The following POLE variants were observed in gnomAD, a reference collection of about 807,000 sequenced individuals.
The protein encoded by POLE is DNA polymerase epsilon, catalytic subunit.
POLE carries 188 observed loss-of-function variants against 279.2 expected under a neutral mutation model. The ratio of observed to expected loss-of-function variants is 0.67; its 90% CI spans 0.60 to 0.76. The LOEUF (loss-of-function observed/expected upper bound fraction) is 0.76, where lower values mean the gene tolerates loss of function less well. Among genes scored for constraint, POLE ranks in the 30% least tolerant of loss-of-function variants. The pLI, the probability that POLE is intolerant of heterozygous loss-of-function variation, is 0.00. For synonymous variants in POLE, 1,214 were observed against 1,172.5 expected, an observed-to-expected ratio of 1.04 and a Z score of -0.72; for missense variants, 2,703 against 3,016.7, an observed-to-expected ratio of 0.90 and a Z score of 2.44.
intron 40 of POLE, 107 bp from the exon 41 acceptor site, chr12:132,638,246 A>C: frequency 1.0e-6 from 1 of 1,003,512 alleles, no homozygotes; most frequent in Non-Finnish European, 1.4e-6. Flanking sequence ...TGAAGCAGAA[A>C]AGCCTCCGAG....
intron 25 of POLE, chr12:132,659,804 G>A (rs1331587061): frequency 6.1e-6 from 2 of 326,294 alleles, no homozygotes; most frequent in Non-Finnish European, 1.1e-5. Context: ...AGATTCTCGT[G>A]CCTCAGCCTC....
chr12:132,656,767 C>T (rs1292563894), intron 29 of POLE, among the ~76,000 whole-genome samples: 1 of 152,180 alleles, frequency 6.6e-6, no homozygotes, highest in Non-Finnish European at 1.5e-5. Context: ...TTTCACTGTA[C>T]CTTTTATTAC....
At chr12:132,660,815 G>A (rs1392497635) in intron 25 of POLE, 154 bp downstream of exon 25, 8 of 518,088 alleles carry the variant, frequency 1.5e-5, no homozygotes, top group Non-Finnish European at 2.3e-5. Context: ...AACTCCAAGG[G>A]GGTAATTGTG....
At chr12:132,665,618 A>AT (rs2042781360) in intron 20 of POLE, among the ~76,000 whole-genome samples, 168 bp from the exon 21 acceptor site, 1 of 152,156 alleles carries the variant, frequency 6.6e-6, no homozygotes, top group Non-Finnish European at 1.5e-5. Flanking sequence ...CCAACTGTCA[A>AT]TATTTTGTCA....
intron 42 of POLE, among the ~76,000 whole-genome samples, chr12:132,635,401 C>T (rs1326417741): frequency 6.6e-6 from 1 of 152,226 alleles, no homozygotes; most frequent in Non-Finnish European, 1.5e-5. Flanking sequence ...CTGTGCCCTC[C>T]AATGGTGGGT....
chr12:132,651,411 C>T (rs553778311), intron 29 of POLE: 2 of 152,242 alleles, frequency 1.3e-5, no homozygotes. Context: ...CAACCACCTC[C>T]ACCTCTAGCA....
At chr12:132,649,561 G>C (rs534851055) in intron 30 of POLE, 46 bp from the exon 31 acceptor site, 2 of 1,599,520 alleles carry the variant, frequency 1.3e-6, no homozygotes, top group African/African-American at 2.7e-5. Flanking sequence ...GGTGAGATGG[G>C]AATGCCCGCC....
At position 132,643,494 on chromosome 12, in the gene POLE, T is replaced by G. The variant is rs1057524305; in HGVS notation, c.4357A>C (p.Arg1453=). 8.1e-6 allele frequency: 13 copies of G among 1,614,046 alleles called. No homozygotes were observed. The highest frequency in any genetic ancestry group is 1.1e-5 in the Non-Finnish European group (13 of 1,180,036). Reference sequence around the variant, plus strand: ...TCTGCTTCCCAGCCTGAAAGGTGCCTCACCAGCTGTTTATTGACCACACAC... The same window carrying G: ...TCTGCTTCCCAGCCTGAAAGGTGCCGCACCAGCTGTTTATTGACCACACAC... ...CVCVVNKQLV[R]HLSGWEAETF... The change falls in exon 34 of 49, where the codon AGG becomes CGG. Residue 1453 remains arginine, a synonymous_variant. Transcript: ENST00000320574.
chr12:132,667,411 G>A (rs2135968299), intron 20 of POLE, 92 bp downstream of exon 20: 1 of 1,350,950 alleles, frequency 7.4e-7, no homozygotes, highest in Non-Finnish European at 1.0e-6. Context: ...CCTGCTCAGA[G>A]GATCCCAGGC....
chr12:132,678,544 T>C (rs190410412), intron 6 of POLE, among the ~76,000 whole-genome samples: 1 of 152,056 alleles, frequency 6.6e-6, no homozygotes, highest in African/African-American at 2.4e-5. Flanking sequence ...ACCACTGCAC[T>C]CCAGCCTGGG....
chr12:132,633,306 G>C (rs1381385578), intron 43 of POLE: 2 of 155,964 alleles, frequency 1.3e-5, no homozygotes, highest in East Asian at 3.8e-4. Flanking sequence ...TGGTATTAAA[G>C]GTGTGCGCAC....
At chr12:132,678,726 TG>T (rs2043108595) in intron 6 of POLE, among the ~76,000 whole-genome samples, 3 of 152,240 alleles carry the variant, frequency 2.0e-5, no homozygotes, top group Admixed American at 2.0e-4. Context: ...ACACAGCCTG[TG>T]CATGGGTCTC....
chr12:132,674,820 C>T (rs1032996675), intron 12 of POLE, among the ~76,000 whole-genome samples: 18 of 151,268 alleles, frequency 1.2e-4, no homozygotes, highest in Admixed American at 4.6e-4. Context: ...CATTCCCTTC[C>T]TTCCCTCCCT....
chr12:132,632,675 C>A lies in POLE; in HGVS notation c.6125G>T (p.Gly2042Val), dbSNP rs760893202. The A allele has an allele frequency of 6.2e-7, 1 of 1,614,056 alleles. No homozygotes were observed. The highest frequency in any genetic ancestry group is 8.5e-7 in the Non-Finnish European group (1 of 1,180,006). Residue 2042 changes from glycine to valine, a missense_variant, in exon 44 of 49, where the codon GGA becomes GTA. Physicochemically the swap from Gly to Val is moderately radical, Grantham distance 109. Transcript: ENST00000320574. ...QLSQEAEGAV[G>V]ALPGMITFSQ... ...AAAAGACTGCTCACCGGGAAGGGCTCCGACCGCCCCCTCGGCCTCCTGGGA... is the reference window on the plus strand; with the variant it reads ...AAAAGACTGCTCACCGGGAAGGGCTACGACCGCCCCCTCGGCCTCCTGGGA...
At chr12:132,626,716 A>G (rs187606794) in intron 45 of POLE, among the ~76,000 whole-genome samples, 2 of 152,340 alleles carry the variant, frequency 1.3e-5, no homozygotes, top group East Asian at 3.9e-4. Flanking sequence ...TGAATGCAAG[A>G]TCGAAAAAAA....
At chr12:132,643,193 A>G in intron 35 of POLE, 31 bp downstream of exon 35, 1 of 1,602,286 alleles carries the variant, frequency 6.2e-7, no homozygotes, top group South Asian at 1.1e-5. Flanking sequence ...TGCCCCAGCC[A>G]ATGTGCTGCC....
chr12:132,636,443 A>G (rs1347818011), intron 41 of POLE, among the ~76,000 whole-genome samples: 4 of 42,656 alleles, frequency 9.4e-5, no homozygotes, highest in African/African-American at 4.6e-4. Context: ...CATTTAAGGA[A>G]AAAAAAAAAA....
At chr12:132,654,723 T>C (rs1593760943) in intron 29 of POLE, among the ~76,000 whole-genome samples, 1 of 151,838 alleles carries the variant, frequency 6.6e-6, no homozygotes, top group Non-Finnish European at 1.5e-5. Context: ...GCCTGGGAGG[T>C]CAAGGCTGCA....
Position 132,664,576 on chromosome 12 carries a change from C to T in POLE, c.2469-114G>A. 1 of 781,696 alleles carries T rather than the reference C, an allele frequency of 1.3e-6. No homozygotes were observed. The highest frequency in any genetic ancestry group is 2.2e-6 in the Non-Finnish European group (1 of 457,314). The allele number at this position is 781,696 out of a possible 1,614,324, so 48.4% of individuals were successfully genotyped here. On this transcript the variant is annotated intron_variant, in intron 21 of 48. Coordinates refer to ENST00000320574, the MANE Select transcript of POLE (RefSeq NM_006231.4). The surrounding 1 kb of genome is among the most constrained non-coding windows in gnomAD (Gnocchi z 5.3). ...AGAGATGCGACAGGGACAAGGGAAGCAGCCAAATGTGCGTGCACCAGGACA... is the reference window on the plus strand; with the variant it reads ...AGAGATGCGACAGGGACAAGGGAAGTAGCCAAATGTGCGTGCACCAGGACA...
Sources: gnomAD v4.1 joint callset for allele counts (sites outside exome capture counted in the v4.1 genomes callset) on GRCh38, gnomAD v4.1.1 for gene constraint, Gnocchi (gnomAD v3.1) non-coding constraint, MANE v1.5 for transcripts, NCBI Gene and HGNC (gene_info 2026-07-23, HGNC 2026-07-21) for gene names.